ZNF891: variants seen among roughly 807,000 people sequenced by gnomAD.
The protein encoded by ZNF891 is zinc finger protein 891.
For missense variants in ZNF891, 589 were observed against 632.7 expected, an observed-to-expected ratio of 0.93 and a Z score of 0.74; for synonymous variants, 199 against 209.0, an observed-to-expected ratio of 0.95 and a Z score of 0.41.
chr12:133,128,368 AC>A (rs781463483), intron 1 of ZNF891, among the ~76,000 whole-genome samples: 11 of 152,248 alleles, frequency 7.2e-5, no homozygotes, highest in Non-Finnish European at 1.5e-5. Context: ...ACGGTGGCTC[AC>A]GCCTGTAATC....
chr12:133,123,266 T>C (rs1955782422), intron 1 of ZNF891, among the ~76,000 whole-genome samples: 1 of 152,238 alleles, frequency 6.6e-6, no homozygotes, highest in Non-Finnish European at 1.5e-5. Flanking sequence ...ATAGATTTTG[T>C]CTGATTTGTT....
chr12:133,122,178 AATATAACG>A (rs1187583214), intron 1 of ZNF891, 154 bp from the exon 2 acceptor site: 17 of 1,184,234 alleles, frequency 1.4e-5, no homozygotes, highest in Non-Finnish European at 1.8e-5. Flanking sequence ...ACTGACATGC[AATATAACG>A]ATCCTTACCC....
rs749761983 is a variant in ZNF891, at chr12:133,120,784, T to G, written c.1135A>C (p.Asn379His). 1.5e-5 allele frequency: 23 copies of G among 1,570,778 alleles called. No homozygotes were observed. The highest frequency in any genetic ancestry group is 2.0e-5 in the Non-Finnish European group (23 of 1,158,720). The change falls in exon 2 of 2, where the codon AAT (asparagine) becomes CAT (histidine). Residue 379 changes from asparagine to histidine, a missense_variant. Transcript: ENST00000537226. ...THTGEKPYECNQCGKAFSQKT... is the reference protein window; with the variant it reads ...THTGEKPYECHQCGKAFSQKT... ...TGACTGAAAGCTTTTCCACATTGAT[T>G]ACATTCATAGGGTTTCTCTCCAGTG...
intron 1 of ZNF891, among the ~76,000 whole-genome samples, chr12:133,124,643 T>C (rs774392961): frequency 1.3e-5 from 2 of 150,756 alleles, no homozygotes; most frequent in South Asian, 2.1e-4. Context: ...GTTGCAAAGA[T>C]AGAGGCCAAA....
intron 1 of ZNF891, among the ~76,000 whole-genome samples, chr12:133,125,207 G>A (rs1297230626): frequency 6.6e-6 from 1 of 152,040 alleles, no homozygotes; most frequent in East Asian, 1.9e-4. Flanking sequence ...CACTATATTG[G>A]CCAGGCTAAC....
chr12:133,124,744 A>T (rs968543770), intron 1 of ZNF891, among the ~76,000 whole-genome samples: 5 of 144,364 alleles, frequency 3.5e-5, no homozygotes, highest in Admixed American at 2.0e-4. Flanking sequence ...GCAATATAAA[A>T]GGCCTTTTAT....
rs1350598953 is a variant in ZNF891 at position 133,121,201 on chromosome 12, T to C, written c.718A>G (p.Ile240Val). 74 of 1,535,398 alleles carry C rather than the reference T, an allele frequency of 4.8e-5. No individual in the cohort carries two copies. Among genetic ancestry groups the C allele is most frequent in the Middle Eastern group, 1.7e-4 (1 of 6,004 alleles). ...SIINNYVKNS[I>V]SEKLYESHEC... Reference sequence around the variant, plus strand: ...TGACTTTCATAGAGCTTCTCACTTATAGAGTTTTTCACATAATTGTTTATG... The same window carrying C: ...TGACTTTCATAGAGCTTCTCACTTACAGAGTTTTTCACATAATTGTTTATG... Residue 240 changes from isoleucine (I) to valine (V), a missense_variant, in exon 2 of 2, where the codon ATA (isoleucine) becomes GTA (valine). Physicochemically the swap from Ile to Val is conservative, Grantham distance 29. Transcript: ENST00000537226.
At position 133,114,223 on chromosome 12, in the gene ZNF891, G is replaced by C. The variant is rs1955703356; in HGVS notation, c.*6061C>G. ...GGAAGAGAGGAGAAGGACTAGGAGA[G>C]GGACATAATATAAATAACATTAAAC... is the stretch of plus-strand genomic sequence containing the variant. On this transcript the variant is annotated 3_prime_UTR_variant, in exon 2 of 2. Coordinates refer to ENST00000537226, the MANE Select transcript of ZNF891 (RefSeq NM_001277291.2). 1 of 152,190 alleles carries C rather than the reference G, an allele frequency of 6.6e-6. No homozygotes were observed. Among genetic ancestry groups the C allele is most frequent in the African/African-American group, 2.4e-5 (1 of 41,446 alleles). The allele number at this position is 152,190 out of a possible 1,614,324, so 9.4% of individuals were successfully genotyped here.
rs1182765513 is a variant in ZNF891, at chr12:133,120,666, T to C, written c.1253A>G (p.Tyr418Cys). The change falls in exon 2 of 2, where the codon TAC becomes TGC. Residue 418 changes from tyrosine to cysteine, a missense_variant. By Grantham distance (194) the Tyr-to-Cys change is radical. Coordinates refer to ENST00000537226, the MANE Select transcript of ZNF891 (RefSeq NM_001277291.2). ...GTGTATTCTCTTGTGCACTATAAGG[T>C]AAGAGCTTGTGCCAAAGGATTTTCC... ...QCGKSFGTSS[Y>C]LIVHKRIHTG... 9.0e-6 allele frequency: 14 copies of C among 1,557,136 alleles called. No individual in the cohort carries two copies. The highest frequency in any genetic ancestry group is 1.2e-5 in the Non-Finnish European group (14 of 1,151,634).
At chr12:133,125,430 A>T (rs1391808536) in intron 1 of ZNF891, 3 of 154,086 alleles carry the variant, frequency 1.9e-5, no homozygotes, top group African/African-American at 7.2e-5. Flanking sequence ...AATAATATAT[A>T]ATGTCCAAGA....
Position 133,106,605 on chromosome 12 carries a change from A to G in ZNF891, c.*13679T>C. 1 of 1,606,210 alleles carries G rather than the reference A, an allele frequency of 6.2e-7. No individual in the cohort carries two copies. The highest frequency in any genetic ancestry group is 8.5e-7 in the Non-Finnish European group (1 of 1,177,816). On this transcript the variant is annotated 3_prime_UTR_variant, in exon 2 of 2. Coordinates refer to ENST00000537226, the MANE Select transcript of ZNF891 (RefSeq NM_001277291.2). ...CACACTCTTGACAACCCCTATGAAT[A>G]TGAAAATTCATTTAATTACCACTCA... is the stretch of plus-strand genomic sequence containing the variant.
At position 133,106,578 on chromosome 12, in the gene ZNF891, C is replaced by T. The variant is rs754434290; in HGVS notation, c.*13706G>A. The T allele has an allele frequency of 6.2e-7, 1 of 1,613,646 alleles. No individual in the cohort carries two copies. Among genetic ancestry groups the T allele is most frequent in the East Asian group, 2.2e-5 (1 of 44,882 alleles). On this transcript the variant is annotated 3_prime_UTR_variant, in exon 2 of 2. Coordinates refer to ENST00000537226, the MANE Select transcript of ZNF891 (RefSeq NM_001277291.2). ...TCAAACCTTGCTAAACATCAGAGGA[C>T]ACACACTCTTGACAACCCCTATGAA...
intron 1 of ZNF891, among the ~76,000 whole-genome samples, chr12:133,129,787 T>G (rs888466757): frequency 1.3e-5 from 2 of 151,994 alleles, no homozygotes; most frequent in African/African-American, 4.8e-5. Context: ...ATTAAAGAAA[T>G]AAAACCATAT....
chr12:133,122,162 AT>A, intron 1 of ZNF891, 138 bp from the exon 2 acceptor site: 2 of 1,246,716 alleles, frequency 1.6e-6, no homozygotes, highest in African/African-American at 3.0e-5. Context: ...CTTTACTGGG[AT>A]TTGTACTGAC....
Position 133,111,640 on chromosome 12 carries a change from C to G in ZNF891, c.*8644G>C, listed in dbSNP as rs1007827521. 6.6e-6 allele frequency: 1 copy of G among 152,088 alleles called. No individual in the cohort carries two copies. The highest frequency in any genetic ancestry group is 2.4e-5 in the African/African-American group (1 of 41,412). 9.4% of individuals were successfully genotyped at this position (152,088 alleles called of 1,614,324 possible). A position where few individuals can be genotyped will look rare whatever the true frequency, so the allele number is the denominator to read the frequency against. On this transcript the variant is annotated 3_prime_UTR_variant, in exon 2 of 2. Transcript: ENST00000537226. ...AAAATATTTTAGAAAAATCAAAACT[C>G]CCATGAAACTGTGCTCATAGGTAGA...
rs770622739 is a variant in ZNF891, at chr12:133,121,493, T to C, written c.426A>G (p.Lys142=). ...TGGAGGACCAATTATGCATTGTGAG[T>C]TTTATCATTTTCACTGCATTGGATG... ...EEPSNAVKMI[K]LTMHNWSSTL... The change falls in exon 2 of 2, where the codon AAA becomes AAG. Residue 142 remains lysine, a synonymous_variant. Coordinates refer to ENST00000537226, the MANE Select transcript of ZNF891 (RefSeq NM_001277291.2). 6.5e-7 allele frequency: 1 copy of C among 1,536,154 alleles called. No individual in the cohort carries two copies. Among genetic ancestry groups the C allele is most frequent in the South Asian group, 1.2e-5 (1 of 84,060 alleles).
intron 1 of ZNF891, among the ~76,000 whole-genome samples, chr12:133,128,402 C>T (rs1422779478): frequency 2.6e-5 from 4 of 152,148 alleles, no homozygotes; most frequent in African/African-American, 7.2e-5. Flanking sequence ...GAGGCCAAGG[C>T]GGGCGGATTG....
In ZNF891 at chr12:133,121,645, T is replaced by A; in HGVS notation, c.274A>T (p.Ile92Phe). 1 of 1,536,428 alleles carries A rather than the reference T, an allele frequency of 6.5e-7. No individual in the cohort carries two copies. Among genetic ancestry groups the A allele is most frequent in the South Asian group, 1.2e-5 (1 of 84,066 alleles). ...VEYQLYRLTV[I>F]SPLDQEEIRN... is the part of the protein sequence containing the mutation. ...ATCTCTTCTTGATCCAATGGGGAGA[T>A]CACAGTAAGCCTGTACAACTGATAT... The change falls in exon 2 of 2, where the codon ATC (isoleucine) becomes TTC (phenylalanine). Residue 92 changes from isoleucine to phenylalanine, a missense_variant. Ile to Phe is a conservative substitution (Grantham distance 21). Coordinates refer to ENST00000537226, the MANE Select transcript of ZNF891 (RefSeq NM_001277291.2).
Position 133,105,337 on chromosome 12 carries a change from T to C in ZNF891, c.*14947A>G, listed in dbSNP as rs1285395590. On this transcript the variant is annotated 3_prime_UTR_variant, in exon 2 of 2. Transcript: ENST00000537226. ...TTATTTACCTATATGTCTATCTCTGTTTGATCTTTTCTGAAGTTCTGGGCA... is the reference window on the plus strand; with the variant it reads ...TTATTTACCTATATGTCTATCTCTGCTTGATCTTTTCTGAAGTTCTGGGCA... Among the ~76,000 whole-genome samples, 1 of 152,180 alleles carries C rather than the reference T, an allele frequency of 6.6e-6. No homozygotes were observed. The highest frequency in any genetic ancestry group is 1.5e-5 in the Non-Finnish European group (1 of 68,032).
Sources: gnomAD v4.1 joint callset for allele counts (sites outside exome capture counted in the v4.1 genomes callset) on GRCh38, gnomAD v4.1.1 for gene constraint, MANE v1.5 for transcripts, NCBI Gene and HGNC (gene_info 2026-07-23, HGNC 2026-07-21) for gene names.